GAB2: variants seen among roughly 807,000 people sequenced by gnomAD.
GAB2 encodes the protein GRB2 associated binding protein 2, also known as GRB2-associated-binding protein 2.
A neutral mutation model predicts 65.5 loss-of-function variants in GAB2; 26 were observed. The observed-to-expected ratio is 0.40, with a 90% CI of 0.29 to 0.55. The LOEUF is 0.55. GAB2 is among the 20% of genes least tolerant of loss of function. The pLI is 0.53. For missense variants in GAB2, 884 were observed against 875.8 expected (o/e 1.01, Z -0.12); for synonymous variants, 321 against 329.6 (o/e 0.97, Z 0.28).
chr11:78,363,332 A>G (rs1856458045), intron 1 of GAB2, among the ~76,000 whole-genome samples: 1 of 152,234 alleles, frequency 6.6e-6, no homozygotes, highest in African/African-American at 2.4e-5. Context: ...TCAAGGGAAG[A>G]TGTTGGTCTC....
At chr11:78,400,406 G>A (rs1175636056) in intron 1 of GAB2, among the ~76,000 whole-genome samples, 1 of 152,178 alleles carries the variant, frequency 6.6e-6, no homozygotes, top group Non-Finnish European at 1.5e-5. Context: ...GTCTGCAAAT[G>A]CCTTGAAGGC....
chr11:78,241,135 A>G (rs1422269176), intron 3 of GAB2, among the ~76,000 whole-genome samples: 1 of 152,214 alleles, frequency 6.6e-6, no homozygotes, highest in Non-Finnish European at 1.5e-5. Flanking sequence ...AACCTATGCT[A>G]CCACCGCTGC....
chr11:78,401,505 CGTGTGTGTGTGT>C (rs34474918), intron 1 of GAB2, among the ~76,000 whole-genome samples: 78 of 125,010 alleles, frequency 6.2e-4, no homozygotes, highest in African/African-American at 1.2e-3. Context: ...GAACAGTATT[CGTGTGTGTGTGT>C]GTGTGTGTGT....
intron 1 of GAB2, among the ~76,000 whole-genome samples, chr11:78,323,919 T>G (rs1197322292): frequency 6.9e-6 from 1 of 145,304 alleles, no homozygotes; most frequent in Non-Finnish European, 1.5e-5. Context: ...TCCCTCAGCC[T>G]CCCGAGTAGC....
chr11:78,364,288 A>T (rs1856470265), intron 1 of GAB2, among the ~76,000 whole-genome samples: 1 of 152,126 alleles, frequency 6.6e-6, no homozygotes. Context: ...TATAGGCATG[A>T]ACCACCGCAT....
chr11:78,240,507 C>A (rs369096162), intron 3 of GAB2, among the ~76,000 whole-genome samples: 5 of 151,894 alleles, frequency 3.3e-5, no homozygotes, highest in African/African-American at 1.2e-4. Context: ...TGTTGAGATA[C>A]GCCTCTCCCT....
chr11:78,221,816 G>A (rs762183376), intron 7 of GAB2, 37 bp from the exon 8 acceptor site: 13 of 1,427,540 alleles, frequency 9.1e-6, no homozygotes, highest in Non-Finnish European at 1.3e-5. Context: ...TGGGGAAGCT[G>A]CATGGCTGCT....
rs1476806163 is a variant in GAB2 at position 78,280,750 on chromosome 11, T to A, written c.227A>T (p.Asn76Ile). The change falls in exon 2 of 10, where the codon AAC becomes ATC. Residue 76 changes from asparagine (N) to isoleucine (I), a missense_variant. Coordinates refer to ENST00000361507, the MANE Select transcript of GAB2 (RefSeq NM_080491.3). ...CEQVDAGLTF[N>I]KKELQDSFVF... is the part of the protein sequence containing the mutation. Reference sequence around the variant, plus strand: ...AAAACTATCCTGCAGCTCCTTCTTGTTAAAGGTCAGGCCTGCATCTACCTG... The same window carrying A: ...AAAACTATCCTGCAGCTCCTTCTTGATAAAGGTCAGGCCTGCATCTACCTG... The A allele has an allele frequency of 6.2e-7, 1 of 1,614,174 alleles. No individual in the cohort carries two copies. Among genetic ancestry groups the A allele is most frequent in the East Asian group, 2.2e-5 (1 of 44,876 alleles).
At chr11:78,254,516 T>G (rs1170342372) in intron 2 of GAB2, among the ~76,000 whole-genome samples, 2 of 152,112 alleles carry the variant, frequency 1.3e-5, no homozygotes, top group African/African-American at 4.8e-5. Context: ...GATCTATAGC[T>G]TAGCTGGGTG....
chr11:78,361,355 C>A (rs919181821), intron 1 of GAB2, among the ~76,000 whole-genome samples: 3 of 152,024 alleles, frequency 2.0e-5, no homozygotes, highest in African/African-American at 7.2e-5. Flanking sequence ...ACACAGAAAC[C>A]TATAAATCTA....
chr11:78,308,441 A>G (rs1184791478), intron 1 of GAB2, among the ~76,000 whole-genome samples: 1 of 152,166 alleles, frequency 6.6e-6, no homozygotes, highest in Non-Finnish European at 1.5e-5. Context: ...ATGAAGATGG[A>G]GAGGCAGGTT....
At chr11:78,365,044 T>A (rs966903561) in intron 1 of GAB2, among the ~76,000 whole-genome samples, 2 of 152,160 alleles carry the variant, frequency 1.3e-5, no homozygotes, top group Non-Finnish European at 2.9e-5. Flanking sequence ...ATGAATAAGA[T>A]CTTTAGTGGT....
Position 78,221,727 on chromosome 11 carries a change from T to C in GAB2, c.1711A>G (p.Ser571Gly), listed in dbSNP as rs755030706. The C allele has an allele frequency of 6.2e-7, 1 of 1,613,752 alleles. No homozygotes were observed. Among genetic ancestry groups the C allele is most frequent in the South Asian group, 1.1e-5 (1 of 91,062 alleles). ...TCTCCTGAGTCTGTGCTGGTGATGC[T>C]CTGGGTGGAGATGGGGCGGCAGTAC... ...SQYCRPISTQ[S>G]ITSTDSGDSE... The change falls in exon 8 of 10, where the codon AGC (serine) becomes GGC (glycine). Residue 571 changes from serine to glycine, a missense_variant. Ser to Gly is a moderately conservative substitution (Grantham distance 56). Transcript: ENST00000361507.
At position 78,318,410 on chromosome 11, in the gene GAB2, C is replaced by T. The variant is rs61088957; in HGVS notation, c.76-37509G>A. On this transcript the variant is annotated intron_variant, in intron 1 of 9. Transcript: ENST00000361507. Reference sequence around the variant, plus strand: ...AAGCTGTGAAAAGGAGCTTGACTTTCATCCTGAAGGCAGTGGCGGACCACT... The same window carrying T: ...AAGCTGTGAAAAGGAGCTTGACTTTTATCCTGAAGGCAGTGGCGGACCACT... 3.1e-3 allele frequency among the ~76,000 whole-genome samples: 342 copies of T among 110,874 alleles called. 1 individual carries two copies. The highest frequency in any genetic ancestry group is 0.013 in the African/African-American group (322 of 24,904). The allele number at this position is 110,874 out of a possible 152,430, so 72.7% of individuals were successfully genotyped here.
intron 3 of GAB2, among the ~76,000 whole-genome samples, chr11:78,242,466 C>T (rs922860624): frequency 1.3e-5 from 2 of 151,432 alleles, no homozygotes; most frequent in Middle Eastern, 3.4e-3. Context: ...CATGCCACTG[C>T]ACTCCAGCCT....
intron 2 of GAB2, among the ~76,000 whole-genome samples, chr11:78,251,397 G>A (rs1865452518): frequency 6.6e-6 from 1 of 152,152 alleles, no homozygotes; most frequent in Non-Finnish European, 1.5e-5. Flanking sequence ...GCTTTTCTCT[G>A]TTGTGTTAGT....
At chr11:78,414,734 G>A (rs989792995) in intron 1 of GAB2, among the ~76,000 whole-genome samples, 2 of 152,018 alleles carry the variant, frequency 1.3e-5, no homozygotes, top group African/African-American at 4.8e-5. Flanking sequence ...TAGCAGATAG[G>A]TCTCTTATAC....
chr11:78,218,393 G>A lies in GAB2; in HGVS notation c.*879C>T, dbSNP rs542788333. The stretch of plus-strand genomic sequence containing the variant: ...CCTTCCCCTGTATGCTGCTTTCAAG[G>A]TGGGGCTGGCGGGGGCCTCTGAGGG... On this transcript the variant is annotated 3_prime_UTR_variant, in exon 10 of 10. Coordinates refer to ENST00000361507, the MANE Select transcript of GAB2 (RefSeq NM_080491.3). 3 of 152,824 alleles carry A rather than the reference G, an allele frequency of 2.0e-5. No homozygotes were observed. Among genetic ancestry groups the A allele is most frequent in the East Asian group, 3.9e-4 (2 of 5,176 alleles). The allele number at this position is 152,824 out of a possible 1,614,324, so 9.5% of individuals were successfully genotyped here. A position where few individuals can be genotyped will look rare whatever the true frequency, so the allele number is the denominator to read the frequency against.
chr11:78,284,836 TC>T (rs1866433039), intron 1 of GAB2, among the ~76,000 whole-genome samples: 1 of 152,126 alleles, frequency 6.6e-6, no homozygotes, highest in Non-Finnish European at 1.5e-5. Flanking sequence ...CCATGATGCA[TC>T]CTTGGTGTTT....
Sources: allele counts gnomAD v4.1 joint callset (sites outside exome capture counted in the v4.1 genomes callset), GRCh38; gene constraint gnomAD v4.1.1; transcripts MANE v1.5; gene names NCBI Gene and HGNC (gene_info 2026-07-23, HGNC 2026-07-21).